Variants in OTUD7A observed in about 807,000 individuals in gnomAD.
OTUD7A encodes the protein OTU deubiquitinase 7A.
OTUD7A carries 12 observed loss-of-function variants against 65.7 expected under a neutral mutation model. The observed-to-expected ratio is 0.18, with a 90% CI of 0.12 to 0.30. The LOEUF is 0.30. Among genes scored for constraint, OTUD7A ranks in the 10% least tolerant of loss-of-function variants. OTUD7A has a pLI of 1.00. For synonymous variants in OTUD7A, 641 were observed against 586.3 expected (o/e 1.09, Z -1.35); for missense variants, 1,148 against 1,304.8 (o/e 0.88, Z 1.85).
intron 1 of OTUD7A, among the ~76,000 whole-genome samples, chr15:31,760,929 T>G (rs1008963430): frequency 3.3e-5 from 5 of 151,748 alleles, no homozygotes; most frequent in African/African-American, 1.2e-4. Flanking sequence ...GGTTTTTTTG[T>G]TTTTTTGTTT....
At chr15:31,800,151 G>A (rs923720588) in intron 1 of OTUD7A, among the ~76,000 whole-genome samples, 1 of 152,172 alleles carries the variant, frequency 6.6e-6, no homozygotes, top group Non-Finnish European at 1.5e-5. Flanking sequence ...GGTACTCAGT[G>A]TGCACTGAAA....
chr15:31,853,953 T>C (rs1047137671), intron 1 of OTUD7A, among the ~76,000 whole-genome samples: 1 of 152,180 alleles, frequency 6.6e-6, no homozygotes, highest in Admixed American at 6.5e-5. Context: ...AAAATACCCA[T>C]AAAGAAACAG....
Position 31,483,239 on chromosome 15 carries a change from A to G in OTUD7A, c.*55T>C, listed in dbSNP as rs996157418. 48 of 1,055,600 alleles carry G rather than the reference A, an allele frequency of 4.5e-5. No individual in the cohort carries two copies. The highest frequency in any genetic ancestry group is 5.4e-5 in the Admixed American group (1 of 18,562). The allele number at this position is 1,055,600 out of a possible 1,614,324, so 65.4% of individuals were successfully genotyped here. ...GGCATGTAAAAAAGACACCGACACA[A>G]TGGAAAAGAAATCCTCGAAGGTAGA... On this transcript the variant is annotated 3_prime_UTR_variant, in exon 13 of 13. Coordinates refer to ENST00000307050, the MANE Select transcript of OTUD7A (RefSeq NM_001382637.1).
intron 1 of OTUD7A, among the ~76,000 whole-genome samples, chr15:31,837,423 G>A (rs370094757): frequency 1.3e-5 from 2 of 151,154 alleles, no homozygotes; most frequent in African/African-American, 4.9e-5. Context: ...GTGTGTGCCT[G>A]TAATCCCAGC....
At position 31,799,182 on chromosome 15, in the gene OTUD7A, G is replaced by A. The variant is rs116600080; in HGVS notation, c.-100+71325C>T. Reference sequence around the variant, plus strand: ...ATCCAGCAAAGACACGGGAGAGGAGGGCACCTGGACATGAACAGTGGGCTG... The same window carrying A: ...ATCCAGCAAAGACACGGGAGAGGAGAGCACCTGGACATGAACAGTGGGCTG... On this transcript the variant is annotated intron_variant, in intron 1 of 12. Coordinates refer to ENST00000307050, the MANE Select transcript of OTUD7A (RefSeq NM_001382637.1). Among the ~76,000 whole-genome samples the A allele has an allele frequency of 3.3e-3, 499 of 152,296 alleles. 3 individuals carry two copies. The highest frequency in any genetic ancestry group is 0.012 in the African/African-American group (483 of 41,542).
chr15:31,644,626 C>T (rs1891610757), intron 3 of OTUD7A, among the ~76,000 whole-genome samples: 1 of 152,122 alleles, frequency 6.6e-6, no homozygotes, highest in South Asian at 2.1e-4. Flanking sequence ...CAGGTATATG[C>T]CACCATGCCC....
intron 1 of OTUD7A, among the ~76,000 whole-genome samples, chr15:31,849,053 G>A (rs1897357327): frequency 6.6e-6 from 1 of 152,174 alleles, no homozygotes; most frequent in Non-Finnish European, 1.5e-5. Flanking sequence ...CTCTCTTCTG[G>A]CTTGTAGAGC....
chr15:31,670,557 T>A (rs1271784833), intron 1 of OTUD7A, among the ~76,000 whole-genome samples: 2 of 152,220 alleles, frequency 1.3e-5, no homozygotes, highest in African/African-American at 4.8e-5. Flanking sequence ...TTTCATATGT[T>A]TGTTAGCCAC....
chr15:31,856,474 T>G (rs1474617412), intron 1 of OTUD7A, among the ~76,000 whole-genome samples: 1 of 152,206 alleles, frequency 6.6e-6, no homozygotes, highest in African/African-American at 2.4e-5. Flanking sequence ...AACAATGTAC[T>G]CCCACTGCCT....
In OTUD7A at chr15:31,484,684, C is replaced by T. The variant is rs2041208274; in HGVS notation, c.1412G>A (p.Gly471Glu). 1.3e-6 allele frequency: 2 copies of T among 1,582,584 alleles called. No homozygotes were observed. The highest frequency in any genetic ancestry group is 1.7e-6 in the Non-Finnish European group (2 of 1,168,926). ...GTCGGCCAGGGACTGCACGTCCTCC[C>T]CTGCCGAGGCCGTGGGAGACTCCGG... ...AQPESPTASA[G>E]EDVQSLADSL... is the part of the protein sequence containing the mutation. The change falls in exon 13 of 13, where the codon GGG becomes GAG. Residue 471 changes from glycine to glutamate, a missense_variant. By Grantham distance (98) the Gly-to-Glu change is moderately conservative. This residue lies in a region of OTUD7A where 842 missense variants were observed against 769.5 expected (regional missense o/e 1.09). Coordinates refer to ENST00000307050, the MANE Select transcript of OTUD7A (RefSeq NM_001382637.1). This position sits in a 1 kb window ranked among gnomAD's most constrained non-coding sequence, Gnocchi z 4.5.
chr15:31,760,772 G>T (rs1193294871), intron 1 of OTUD7A, among the ~76,000 whole-genome samples: 1 of 151,936 alleles, frequency 6.6e-6, no homozygotes, highest in East Asian at 1.9e-4. Flanking sequence ...AAACAAAGGA[G>T]GACTCACATT....
intron 5 of OTUD7A, among the ~76,000 whole-genome samples, chr15:31,549,794 C>T (rs1888259425): frequency 6.6e-6 from 1 of 152,226 alleles, no homozygotes; most frequent in South Asian, 2.1e-4. Context: ...AACAACTTCA[C>T]TGCCATGCCA....
At position 31,533,739 on chromosome 15, in the gene OTUD7A, G is replaced by C. The variant is rs572299879; in HGVS notation, c.551-2931C>G. Among the ~76,000 whole-genome samples, 6 of 152,212 alleles carry C rather than the reference G, an allele frequency of 3.9e-5. No homozygotes were observed. The South Asian group carries it at 1.2e-3, about 32-fold the overall frequency. The stretch of plus-strand genomic sequence containing the variant: ...ATATAAAGAAGGAAGAACATGGAAA[G>C]AACAAAAATATGGGCAAACATAATA... On this transcript the variant is annotated intron_variant, in intron 5 of 12. Coordinates refer to ENST00000307050, the MANE Select transcript of OTUD7A (RefSeq NM_001382637.1).
intron 3 of OTUD7A, among the ~76,000 whole-genome samples, chr15:31,634,125 C>A (rs1394945965): frequency 6.6e-6 from 1 of 152,164 alleles, no homozygotes; most frequent in African/African-American, 2.4e-5. Context: ...GGGCACAGGT[C>A]AGACACAGGG....
At chr15:31,688,399 C>A (rs568074643) in intron 1 of OTUD7A, among the ~76,000 whole-genome samples, 1 of 151,972 alleles carries the variant, frequency 6.6e-6, no homozygotes, top group East Asian at 1.9e-4. Context: ...TGCAGCACTC[C>A]ATAAAACAAG....
chr15:31,646,899 A>G (rs1387236727), intron 3 of OTUD7A, among the ~76,000 whole-genome samples: 2 of 152,222 alleles, frequency 1.3e-5, no homozygotes, highest in African/African-American at 4.8e-5. Context: ...GCGTGACACA[A>G]GGAAACTCAC....
At chr15:31,601,493 A>G (rs1454985817) in intron 3 of OTUD7A, among the ~76,000 whole-genome samples, 2 of 152,240 alleles carry the variant, frequency 1.3e-5, no homozygotes, top group Non-Finnish European at 2.9e-5. Flanking sequence ...CTAAATGCCC[A>G]CAAGAGAAAG....
chr15:31,816,856 G>A (rs1896563135), intron 1 of OTUD7A, among the ~76,000 whole-genome samples: 1 of 152,188 alleles, frequency 6.6e-6, no homozygotes, highest in African/African-American at 2.4e-5. Flanking sequence ...ATGCCTGCGT[G>A]TCCCATGGGA....
At chr15:31,662,170 A>G (rs1187551313) in intron 1 of OTUD7A, among the ~76,000 whole-genome samples, 2 of 152,156 alleles carry the variant, frequency 1.3e-5, no homozygotes, top group Non-Finnish European at 2.9e-5. Flanking sequence ...GCAATTCAAG[A>G]GGGGTTGCGT....
Sources: gnomAD v4.1 joint callset for allele counts (sites outside exome capture counted in the v4.1 genomes callset) on GRCh38, gnomAD v4.1.1 for gene constraint, gnomAD v4.1.1 regional missense constraint, Gnocchi (gnomAD v3.1) non-coding constraint, MANE v1.5 for transcripts, NCBI Gene and HGNC (gene_info 2026-07-23, HGNC 2026-07-21) for gene names.